The following PSMA1 variants were observed in gnomAD, a reference collection of about 807,000 sequenced individuals.
PSMA1 encodes the protein proteasome subunit alpha type-1.
PSMA1 carries 3 observed loss-of-function variants against 38.4 expected under a neutral mutation model. That is an observed-to-expected ratio of 0.08 (90% CI 0.04 to 0.20). The LOEUF (loss-of-function observed/expected upper bound fraction) is 0.20, where lower values mean the gene tolerates loss of function less well. PSMA1 is among the 10% of genes least tolerant of loss of function. The probability of loss-of-function intolerance (pLI) is 1.00; values close to 1 mark genes in which losing one functional copy is unlikely to be tolerated. For missense variants in PSMA1, 227 were observed against 325.3 expected, an observed-to-expected ratio of 0.70 and a Z score of 2.32; for synonymous variants, 101 against 107.1, an observed-to-expected ratio of 0.94 and a Z score of 0.35.
intron 2 of PSMA1, among the ~76,000 whole-genome samples, chr11:14,526,377 G>A (rs1351300119): frequency 6.6e-6 from 1 of 152,118 alleles, no homozygotes; most frequent in Admixed American, 6.5e-5. Context: ...GTGCAGGGCT[G>A]TGCAGTCAGA....
intron 2 of PSMA1, among the ~76,000 whole-genome samples, chr11:14,599,936 C>A (rs901395360): frequency 2.6e-5 from 4 of 152,118 alleles, no homozygotes; most frequent in Non-Finnish European, 4.4e-5. Flanking sequence ...GTGTAGATGA[C>A]CTTTTTGTTG....
intron 2 of PSMA1, among the ~76,000 whole-genome samples, chr11:14,564,937 T>C (rs1486150911): frequency 2.0e-5 from 3 of 151,968 alleles, no homozygotes; most frequent in Admixed American, 1.3e-4. Flanking sequence ...ATCACCACGC[T>C]TGGCTAATTA....
Position 14,513,173 on chromosome 11 carries a change from T to C in PSMA1, c.544+397A>G, listed in dbSNP as rs1851372066. On this transcript the variant is annotated intron_variant, in intron 7 of 9. Coordinates refer to ENST00000396394, the MANE Select transcript of PSMA1 (RefSeq NM_002786.4). ...ACACTGCCTTTTTATTTCTTGTTTA[T>C]GGACTACTAATGCAGAAATGTCTGT... Among the ~76,000 whole-genome samples, 4 of 152,352 alleles carry C rather than the reference T, an allele frequency of 2.6e-5. No homozygotes were observed. The South Asian group carries it at 8.3e-4, about 32-fold the overall frequency.
chr11:14,626,797 C>G (rs993911934), intron 1 of PSMA1, among the ~76,000 whole-genome samples: 11 of 152,186 alleles, frequency 7.2e-5, no homozygotes, highest in African/African-American at 2.4e-4. Context: ...TTTAGGACAG[C>G]TCCTGATATA....
At chr11:14,536,760 C>T (rs1159282612) in intron 2 of PSMA1, among the ~76,000 whole-genome samples, 4 of 151,864 alleles carry the variant, frequency 2.6e-5, no homozygotes, top group African/African-American at 9.7e-5. Flanking sequence ...TACAGGCGCC[C>T]GCCACCACGC....
Position 14,505,120 on chromosome 11 carries a change from G to A in PSMA1, c.*72C>T. 1 of 1,368,916 alleles carries A rather than the reference G, an allele frequency of 7.3e-7. No homozygotes were observed. Among genetic ancestry groups the A allele is most frequent in the South Asian group, 1.2e-5 (1 of 85,904 alleles). 84.8% of individuals were successfully genotyped at this position (1,368,916 alleles called of 1,614,324 possible). On this transcript the variant is annotated 3_prime_UTR_variant, in exon 10 of 10. Transcript: ENST00000396394. ...TCTGCAACTTTTGGTTCAAAGTATA[G>A]ATTATTGTCATCAGTATGTGGTGCC...
At chr11:14,594,681 G>A (rs1006935659) in intron 2 of PSMA1, among the ~76,000 whole-genome samples, 1 of 152,036 alleles carries the variant, frequency 6.6e-6, no homozygotes, top group Non-Finnish European at 1.5e-5. Context: ...ATAGCACAAT[G>A]TTAGCTTCTA....
At chr11:14,571,854 G>T in intron 2 of PSMA1, among the ~76,000 whole-genome samples, 1 of 152,118 alleles carries the variant, frequency 6.6e-6, no homozygotes, top group East Asian at 1.9e-4. Flanking sequence ...AAAAAAGCAG[G>T]GTTGCAAGTC....
At chr11:14,591,456 G>C (rs1852413578) in intron 2 of PSMA1, among the ~76,000 whole-genome samples, 2 of 152,212 alleles carry the variant, frequency 1.3e-5, no homozygotes, top group Admixed American at 1.3e-4. Flanking sequence ...TGGGCGCACG[G>C]CACTGGGACT....
At chr11:14,569,305 G>T (rs1477092951) in intron 2 of PSMA1, among the ~76,000 whole-genome samples, 1 of 152,166 alleles carries the variant, frequency 6.6e-6, no homozygotes, top group East Asian at 1.9e-4. Flanking sequence ...GAGCGACGCA[G>T]AAGACGGGTG....
intron 2 of PSMA1, among the ~76,000 whole-genome samples, chr11:14,525,832 G>A (rs1291407063): frequency 6.6e-6 from 1 of 152,130 alleles, no homozygotes; most frequent in Non-Finnish European, 1.5e-5. Flanking sequence ...CAAGGCTTCA[G>A]GGACAGCCCT....
Position 14,632,438 on chromosome 11 carries a change from C to A in PSMA1, c.-166+11017G>T, listed in dbSNP as rs1367315988. The stretch of plus-strand genomic sequence containing the variant: ...CCTTCACTTATGAAGCTTAGTTTGG[C>A]TGGATATGAAATTCTGGGTTGAAAA... On this transcript the variant is annotated intron_variant, in intron 1 of 10. Coordinates refer to the PSMA1 transcript ENST00000418988. Among the ~76,000 whole-genome samples, 425 of 141,278 alleles carry A rather than the reference C, an allele frequency of 3.0e-3. 2 individuals carry two copies. Among genetic ancestry groups the A allele is most frequent in the African/African-American group, 8.8e-3 (320 of 36,324 alleles). 92.7% of individuals were successfully genotyped at this position (141,278 alleles called of 152,430 possible).
intron 2 of PSMA1, chr11:14,610,836 C>G: frequency 1.1e-6 from 1 of 893,896 alleles, no homozygotes; most frequent in Non-Finnish European, 1.7e-6. Flanking sequence ...CTTTTTTTCT[C>G]TTTTTGTTTT....
chr11:14,558,303 C>A (rs1851965962), intron 2 of PSMA1, among the ~76,000 whole-genome samples: 1 of 151,306 alleles, frequency 6.6e-6, no homozygotes, highest in African/African-American at 2.4e-5. Context: ...TCTGTAGTCC[C>A]AGCTGCTAGA....
At chr11:14,548,913 A>C (rs1185250578) in intron 2 of PSMA1, among the ~76,000 whole-genome samples, 1 of 152,218 alleles carries the variant, frequency 6.6e-6, no homozygotes, top group Non-Finnish European at 1.5e-5. Context: ...TAAATGTTAA[A>C]CTAAATTTCA....
In PSMA1 at chr11:14,591,072, G is replaced by C. The variant is rs990029381; in HGVS notation, c.21+19894C>G. Among the ~76,000 whole-genome samples, 11 of 152,338 alleles carry C rather than the reference G, an allele frequency of 7.2e-5. No individual in the cohort carries two copies. The East Asian group carries it at 1.9e-3, about 27-fold the overall frequency. On this transcript the variant is annotated intron_variant, in intron 2 of 10. Coordinates refer to the PSMA1 transcript ENST00000418988. ...CAGCTTGCAGTGGAGGGAGAGGCGC[G>C]AGCGGGAACCGGGGCTGCGTGCAGC...
In PSMA1 at chr11:14,505,035, T is replaced by G; in HGVS notation, c.*157A>C. On this transcript the variant is annotated 3_prime_UTR_variant, in exon 10 of 10. Transcript: ENST00000396394. ...ATGTATTCCATTATATAGGTTTCAGTGAGGTTGCTTGGAAAAAACTCACAT... is the reference window on the plus strand; with the variant it reads ...ATGTATTCCATTATATAGGTTTCAGGGAGGTTGCTTGGAAAAAACTCACAT... 1 of 687,664 alleles carries G rather than the reference T, an allele frequency of 1.5e-6. No homozygotes were observed. Among genetic ancestry groups the G allele is most frequent in the Non-Finnish European group, 2.6e-6 (1 of 383,584 alleles). 42.6% of individuals were successfully genotyped at this position (687,664 alleles called of 1,614,324 possible).
In PSMA1 at chr11:14,507,776, A is replaced by G. The variant is rs746787778; in HGVS notation, c.625-10T>C. ...TTCCAATGGAAACATTCTGAAGGGT[A>G]AAATATGGTAAAAGTAAAATAAGAG... is the stretch of plus-strand genomic sequence containing the variant. On this transcript the variant is annotated splice_polypyrimidine_tract_variant and intron_variant, in intron 8 of 9. Coordinates refer to ENST00000396394, the MANE Select transcript of PSMA1 (RefSeq NM_002786.4). 6.7e-7 allele frequency: 1 copy of G among 1,499,116 alleles called. No individual in the cohort carries two copies. The highest frequency in any genetic ancestry group is 1.1e-5 in the South Asian group (1 of 87,156). The allele number at this position is 1,499,116 out of a possible 1,614,324, so 92.9% of individuals were successfully genotyped here.
chr11:14,522,307 TATC>T (rs200587257), upstream of PSMA1, among the ~76,000 whole-genome samples: 24 of 152,326 alleles, frequency 1.6e-4, no homozygotes, highest in East Asian at 4.4e-3. Flanking sequence ...AAGTTATTGG[TATC>T]ATAAAAATAC....
Sources: gnomAD v4.1 joint callset for allele counts (sites outside exome capture counted in the v4.1 genomes callset) on GRCh38, gnomAD v4.1.1 for gene constraint, MANE v1.5 for transcripts, NCBI Gene and HGNC (gene_info 2026-07-23, HGNC 2026-07-21) for gene names.